GRHPR: variants seen among roughly 807,000 people sequenced by gnomAD.
The protein encoded by GRHPR is glyoxylate and hydroxypyruvate reductase.
Under a neutral mutation model 36.8 loss-of-function variants are expected in GRHPR, and 35 were observed. The observed-to-expected ratio is 0.95, with a 90% CI of 0.73 to 1.26. The LOEUF (loss-of-function observed/expected upper bound fraction) is 1.26. GRHPR is among the 50% of genes most tolerant of loss of function. GRHPR has a pLI of 0.00. For missense variants in GRHPR, 380 were observed against 435.0 expected (o/e 0.87, Z 1.12); for synonymous variants, 179 against 181.0 (o/e 0.99, Z 0.09).
intron 2 of GRHPR, among the ~76,000 whole-genome samples, chr9:37,425,195 C>A (rs920758051): frequency 6.6e-6 from 1 of 152,212 alleles, no homozygotes; most frequent in African/African-American, 2.4e-5. Context: ...GCAAAGACCG[C>A]GGTGTGGAGA....
intron 1 of GRHPR, 118 bp downstream of exon 1, chr9:37,422,951 G>A (rs1822905920): frequency 7.0e-6 from 5 of 717,692 alleles, no homozygotes; most frequent in Non-Finnish European, 1.2e-5. Flanking sequence ...GGGGAGTCTC[G>A]GAGAAAGTTC....
chr9:37,431,026 G>T (rs139088436), intron 7 of GRHPR: 3 of 478,514 alleles, frequency 6.3e-6, no homozygotes, highest in Middle Eastern at 3.2e-4. Flanking sequence ...GCCTGGCTTT[G>T]TCTGGCTGTG....
At chr9:37,438,099 A>C (rs1040318742), downstream of GRHPR, 1 of 152,348 alleles carries the variant, frequency 6.6e-6, no homozygotes, top group African/African-American at 2.4e-5. Context: ...AAAAGAACAC[A>C]TATTTAGAGG....
intron 8 of GRHPR, among the ~76,000 whole-genome samples, chr9:37,435,536 A>G (rs981215644): frequency 6.6e-6 from 1 of 152,020 alleles, no homozygotes; most frequent in Non-Finnish European, 1.5e-5. Flanking sequence ...ATCAGATGCA[A>G]TGTTCTTGAG....
chr9:37,429,273 A>C (rs1160025248), intron 5 of GRHPR: 2 of 281,584 alleles, frequency 7.1e-6, no homozygotes, highest in Non-Finnish European at 1.4e-5. Flanking sequence ...AGCAGCTTAC[A>C]TGAAAATTGT....
intron 5 of GRHPR, 156 bp downstream of exon 5, chr9:37,428,728 C>T: frequency 1.4e-6 from 1 of 709,122 alleles, no homozygotes; most frequent in Non-Finnish European, 2.6e-6. Flanking sequence ...CTTTGTAAAA[C>T]ACAGGCAAAT....
intron 4 of GRHPR, among the ~76,000 whole-genome samples, chr9:37,426,950 CA>C (rs58991793): frequency 8.1e-5 from 12 of 147,324 alleles, no homozygotes; most frequent in East Asian, 4.0e-4. Flanking sequence ...GACTCTGTCT[CA>C]AAAAAAAAAA....
intron 8 of GRHPR, 130 bp downstream of exon 8, chr9:37,432,268 C>T (rs1823407415): frequency 7.6e-6 from 6 of 790,246 alleles, no homozygotes; most frequent in African/African-American, 5.1e-5. Context: ...CACCAGGGAT[C>T]GTAAATGTTT....
intron 3 of GRHPR, 64 bp downstream of exon 3, chr9:37,426,058 C>T: frequency 8.9e-7 from 1 of 1,129,232 alleles, no homozygotes; most frequent in Non-Finnish European, 1.4e-6. Context: ...GAAAGAAGAG[C>T]TGTTGATTTG....
At position 37,424,921 on chromosome 9, in the gene GRHPR, G is replaced by A. The variant is rs756085471; in HGVS notation, c.160G>A (p.Gly54Ser). 2.4e-5 allele frequency: 38 copies of A among 1,611,572 alleles called. No homozygotes were observed. The highest frequency in any genetic ancestry group is 2.2e-4 in the East Asian group (10 of 44,874). ...AGAGCGAGGTGTGGCGGGGGCCCACGGCCTGCTCTGCCTCCTCTCCGACCA... is the reference window on the plus strand; with the variant it reads ...AGAGCGAGGTGTGGCGGGGGCCCACAGCCTGCTCTGCCTCCTCTCCGACCA... ...ELERGVAGAH[G>S]LLCLLSDHVD... is the part of the protein sequence containing the mutation. The change falls in exon 2 of 9, where the codon GGC becomes AGC. Residue 54 changes from glycine to serine, a missense_variant. Gly to Ser is a moderately conservative substitution (Grantham distance 56). Transcript: ENST00000318158.
At chr9:37,434,406 A>T (rs1298377879) in intron 8 of GRHPR, 2 of 520,970 alleles carry the variant, frequency 3.8e-6, no homozygotes, top group Admixed American at 5.8e-5. Context: ...TATAGTATGG[A>T]GAATGTCAAG....
intron 7 of GRHPR, chr9:37,431,421 G>T: frequency 3.6e-6 from 1 of 280,580 alleles, no homozygotes; most frequent in Non-Finnish European, 7.0e-6. Context: ...GGACAGCCCA[G>T]GACCGTGTAT....
intron 2 of GRHPR, 69 bp from the exon 3 acceptor site, chr9:37,425,853 A>C (rs1823051543): frequency 1.0e-6 from 1 of 957,718 alleles, no homozygotes; most frequent in Non-Finnish European, 1.7e-6. Flanking sequence ...TGTCCCCATG[A>C]TAGTCCCCAG....
intron 8 of GRHPR, chr9:37,432,592 C>T (rs1823423446): frequency 8.9e-6 from 2 of 225,752 alleles, no homozygotes; most frequent in South Asian, 1.3e-4. Context: ...GCAGAAGAAT[C>T]GCTTGAACCC....
At chr9:37,427,742 G>A (rs1439150709) in intron 4 of GRHPR, 5 of 152,502 alleles carry the variant, frequency 3.3e-5, no homozygotes, top group African/African-American at 1.2e-4. Context: ...GGAGGCTGAG[G>A]TGGGAGGATT....
intron 6 of GRHPR, 30 bp from the exon 7 acceptor site, chr9:37,430,481 A>G (rs772306275): frequency 1.0e-5 from 16 of 1,606,998 alleles, no homozygotes; most frequent in Middle Eastern, 1.7e-4. Flanking sequence ...CCTGGGACTC[A>G]GTGCCTGATG....
At position 37,436,686 on chromosome 9, in the gene GRHPR, C is replaced by T. The variant is rs771438574; in HGVS notation, c.891C>T (p.Ala297=). ...NCVILPHIGS[A]THRTRNTMSL... ...TGATTCTGCCCCACATTGGCAGTGC[C>T]ACCCACAGAACCCGCAACACCATGT... Residue 297 remains alanine, a synonymous_variant, in exon 9 of 9, where the codon GCC becomes GCT. Coordinates refer to ENST00000318158, the MANE Select transcript of GRHPR (RefSeq NM_012203.2). 6.2e-7 allele frequency: 1 copy of T among 1,614,096 alleles called. No homozygotes were observed. The highest frequency in any genetic ancestry group is 1.1e-5 in the South Asian group (1 of 91,074).
At position 37,425,671 on chromosome 9, in the gene GRHPR, C is replaced by T. The variant is rs1247956570; in HGVS notation, c.215-251C>T. ...GGGTGGACAGTCCAGTGGGTAAGAGCGGGGCCTTGGTGGCAGAGGCCCTGA... is the reference window on the plus strand; with the variant it reads ...GGGTGGACAGTCCAGTGGGTAAGAGTGGGGCCTTGGTGGCAGAGGCCCTGA... On this transcript the variant is annotated intron_variant, in intron 2 of 8. Coordinates refer to ENST00000318158, the MANE Select transcript of GRHPR (RefSeq NM_012203.2). 2.0e-5 allele frequency among the ~76,000 whole-genome samples: 3 copies of T among 152,200 alleles called. No individual in the cohort carries two copies. The East Asian group carries it at 5.8e-4, about 29-fold the overall frequency.
intron 1 of GRHPR, 53 bp downstream of exon 1, chr9:37,422,886 A>G: frequency 7.7e-7 from 1 of 1,292,158 alleles, no homozygotes; most frequent in South Asian, 1.3e-5. Context: ...CAGGGACCGG[A>G]GAGCCGGGCG....
Sources: allele counts gnomAD v4.1 joint callset (sites outside exome capture counted in the v4.1 genomes callset), GRCh38; gene constraint gnomAD v4.1.1; transcripts MANE v1.5; gene names NCBI Gene and HGNC (gene_info 2026-07-23, HGNC 2026-07-21).